MRTFB: variants seen among roughly 807,000 people sequenced by gnomAD.
The protein encoded by MRTFB is myocardin-related transcription factor B.
A neutral mutation model predicts 104.2 loss-of-function variants in MRTFB; 29 were observed. The observed-to-expected ratio is 0.28, with a 90% CI of 0.21 to 0.38. MRTFB has a LOEUF of 0.38. Ranked by LOEUF, MRTFB falls within the 10% of genes least tolerant of loss-of-function variation. The pLI is 1.00. For synonymous variants in MRTFB, 535 were observed against 519.5 expected (o/e 1.03, Z -0.41); for missense variants, 1,270 against 1,341.6 (o/e 0.95, Z 0.83).
the MRTFB span, among the ~76,000 whole-genome samples, chr16:14,045,390 T>C: frequency 2.6e-5 from 4 of 152,170 alleles, no homozygotes; most frequent in South Asian, 2.1e-4. Context: ...TGTCTCTTTT[T>C]CTACACTCTC....
At chr16:14,053,943 T>C in the MRTFB span, among the ~76,000 whole-genome samples, 2 of 152,166 alleles carry the variant, frequency 1.3e-5, no homozygotes, top group Non-Finnish European at 2.9e-5. Context: ...CTTTGATATA[T>C]GGATTTCCTT....
chr16:14,097,612 T>C (rs1376118060), intron 2 of MRTFB, among the ~76,000 whole-genome samples: 1 of 152,234 alleles, frequency 6.6e-6, no homozygotes, highest in Admixed American at 6.5e-5. Flanking sequence ...ACTGCACATT[T>C]AAAGTGTACA....
chr16:14,124,268 C>T (rs866059704), intron 2 of MRTFB, among the ~76,000 whole-genome samples: 14 of 152,270 alleles, frequency 9.2e-5, no homozygotes, highest in Middle Eastern at 3.4e-3. Flanking sequence ...CTTTCTCTTG[C>T]CTGATTGCTC....
At position 14,234,396 on chromosome 16, in the gene MRTFB, C is replaced by A; in HGVS notation, c.831+113C>A. ...CAACTTGCTCAGCCTGCCTTTTAGC[C>A]CAAAGTCTTAAAAACTAAGCCATGC... On this transcript the variant is annotated intron_variant, in intron 9 of 16. Transcript: ENST00000571589. 3.1e-6 allele frequency: 4 copies of A among 1,284,356 alleles called. No individual in the cohort carries two copies. The South Asian group carries it at 6.8e-5, about 22-fold the overall frequency. 79.6% of individuals were successfully genotyped at this position (1,284,356 alleles called of 1,614,324 possible). A position where few individuals can be genotyped will look rare whatever the true frequency, so the allele number is the denominator to read the frequency against.
At chr16:14,059,017 G>C in the MRTFB span, among the ~76,000 whole-genome samples, 1 of 151,874 alleles carries the variant, frequency 6.6e-6, no homozygotes, top group Non-Finnish European at 1.5e-5. Flanking sequence ...ACCGCCCCCG[G>C]CCCAAAGTAA....
chr16:14,110,844 C>T (rs1226293512), intron 2 of MRTFB, among the ~76,000 whole-genome samples: 7 of 152,152 alleles, frequency 4.6e-5, no homozygotes, highest in Non-Finnish European at 8.8e-5. Context: ...CTATTCCCAG[C>T]GTGAATCCCT....
intron 15 of MRTFB, among the ~76,000 whole-genome samples, chr16:14,256,379 G>C (rs893105242): frequency 6.6e-6 from 1 of 152,180 alleles, no homozygotes; most frequent in Non-Finnish European, 1.5e-5. Context: ...AGATATGTCT[G>C]CAAATTCTTT....
rs2041488410 is a variant in MRTFB at position 14,217,720 on chromosome 16, T to A, written c.514+433T>A. Reference sequence around the variant, plus strand: ...TTTCCAAATTGCTTGCTAAGTAGCATTATTATTGAAATAATTTTCTAAGTT... The same window carrying A: ...TTTCCAAATTGCTTGCTAAGTAGCAATATTATTGAAATAATTTTCTAAGTT... On this transcript the variant is annotated intron_variant, in intron 7 of 16. Transcript: ENST00000571589. Among the ~76,000 whole-genome samples the A allele has an allele frequency of 3.3e-5, 5 of 152,252 alleles. No homozygotes were observed. The South Asian group carries it at 1.0e-3, about 32-fold the overall frequency.
chr16:14,177,903 GGTGTGT>G lies in MRTFB; in HGVS notation c.155-32312_155-32307del, dbSNP rs142062484. Among the ~76,000 whole-genome samples the G allele has an allele frequency of 1.3e-3, 191 of 146,070 alleles. No homozygotes were observed. Among genetic ancestry groups the G allele is most frequent in the African/African-American group, 4.5e-3 (182 of 40,228 alleles). ...CGAGAAGTACATGAACCAGAGGTAG[GGTGTGT>G]GTGTGTGTGTGTGTGTGTGTGTGTG... On this transcript the variant is annotated intron_variant, in intron 3 of 16. Transcript: ENST00000571589. The surrounding 1 kb of genome is among the most constrained non-coding windows in gnomAD (Gnocchi z 4.7).
Position 14,258,110 on chromosome 16 carries a change from G to A in MRTFB, c.2713G>A (p.Ala905Thr), listed in dbSNP as rs1328214889. ...CTCTCCTTCATTGTAGATTTCCAAC[G>A]CTCACAGTCAGCAGATGGATGACCT... ...TQAPLPEISN[A>T]HSQQMDDLFD... Residue 905 changes from alanine to threonine, a missense_variant, in exon 16 of 17, where the codon GCT (alanine) becomes ACT (threonine). By Grantham distance (58) the Ala-to-Thr change is moderately conservative. This residue lies in a region of MRTFB where 1,144 missense variants were observed against 1,131.5 expected (regional missense o/e 1.01). Coordinates refer to ENST00000571589, the MANE Select transcript of MRTFB (RefSeq NM_001308142.2). 1.1e-5 allele frequency: 18 copies of A among 1,613,642 alleles called. No homozygotes were observed. Among genetic ancestry groups the A allele is most frequent in the Admixed American group, 3.3e-5 (2 of 60,002 alleles).
the MRTFB span, chr16:14,018,740 C>G: frequency 6.6e-6 from 1 of 152,186 alleles, no homozygotes; most frequent in Non-Finnish European, 1.5e-5. Context: ...CTTTCAAAGT[C>G]ATCATATCCC....
At chr16:14,094,263 C>A (rs2035242146) in intron 2 of MRTFB, among the ~76,000 whole-genome samples, 1 of 151,906 alleles carries the variant, frequency 6.6e-6, no homozygotes, top group Admixed American at 6.6e-5. Flanking sequence ...AAATATAACT[C>A]AAAAAGGAGC....
the MRTFB span, among the ~76,000 whole-genome samples, chr16:14,033,073 A>G: frequency 6.6e-6 from 1 of 152,032 alleles, no homozygotes; most frequent in Admixed American, 6.5e-5. Context: ...AATGACAGAT[A>G]GCTGGGAAGC....
At chr16:14,025,539 T>C in the MRTFB span, among the ~76,000 whole-genome samples, 4 of 152,152 alleles carry the variant, frequency 2.6e-5, no homozygotes, top group African/African-American at 9.7e-5. Context: ...CCTGCCCTAG[T>C]CTGACTTAAG....
At chr16:14,105,424 G>T (rs1056485216) in intron 2 of MRTFB, among the ~76,000 whole-genome samples, 1 of 151,694 alleles carries the variant, frequency 6.6e-6, no homozygotes, top group Non-Finnish European at 1.5e-5. Context: ...TTGAGACAGG[G>T]TCTCGCTCTG....
intron 2 of MRTFB, among the ~76,000 whole-genome samples, chr16:14,120,762 G>C (rs1263544212): frequency 6.6e-6 from 1 of 152,212 alleles, no homozygotes; most frequent in East Asian, 1.9e-4. Flanking sequence ...AACTTAGTGT[G>C]TGGGGGATAG....
chr16:14,130,767 G>C (rs927314585), intron 2 of MRTFB, among the ~76,000 whole-genome samples: 1 of 151,674 alleles, frequency 6.6e-6, no homozygotes, highest in Non-Finnish European at 1.5e-5. Flanking sequence ...AGAGCATGGC[G>C]CTGGGGAGGC....
At chr16:14,028,206 C>CAACACAACAAAACAAAACAA in the MRTFB span, among the ~76,000 whole-genome samples, 959 of 151,308 alleles carry the variant, frequency 6.3e-3, 9 homozygotes, top group Non-Finnish European at 7.4e-3. Context: ...AAACACAACA[C>CAACACAACAAAACAAAACAA]AACAAAACAA....
intron 3 of MRTFB, among the ~76,000 whole-genome samples, chr16:14,157,210 T>A (rs1331128910): frequency 6.6e-6 from 1 of 152,204 alleles, no homozygotes; most frequent in Non-Finnish European, 1.5e-5. Context: ...TTGGGAGGAT[T>A]CTACTTAGAG....
Sources: gnomAD v4.1 joint callset for allele counts (sites outside exome capture counted in the v4.1 genomes callset) on GRCh38, gnomAD v4.1.1 for gene constraint, gnomAD v4.1.1 regional missense constraint, Gnocchi (gnomAD v3.1) non-coding constraint, MANE v1.5 for transcripts, NCBI Gene and HGNC (gene_info 2026-07-23, HGNC 2026-07-21) for gene names.